The following FBN3 variants were observed in gnomAD, a reference collection of about 807,000 sequenced individuals.
FBN3 encodes fibrillin-3.
A neutral mutation model predicts 330.1 loss-of-function variants in FBN3; 234 were observed. The ratio of observed to expected loss-of-function variants is 0.71; its 90% CI spans 0.64 to 0.79. The LOEUF (loss-of-function observed/expected upper bound fraction) is 0.79. Ranked by LOEUF, FBN3 falls within the 30% of genes least tolerant of loss-of-function variation. The pLI is 0.00. For synonymous variants in FBN3, 1,458 were observed against 1,517.3 expected, an observed-to-expected ratio of 0.96 and a Z score of 0.91; for missense variants, 3,606 against 3,886.9, an observed-to-expected ratio of 0.93 and a Z score of 1.92.
Position 8,131,456 on chromosome 19 carries a change from C to T in FBN3, c.1990+98G>A, listed in dbSNP as rs1299085714. The T allele has an allele frequency of 6.7e-7, 1 of 1,502,828 alleles. No homozygotes were observed. The highest frequency in any genetic ancestry group is 1.3e-5 in the South Asian group (1 of 79,216). The allele number at this position is 1,502,828 out of a possible 1,614,324, so 93.1% of individuals were successfully genotyped here. A position where few individuals can be genotyped will look rare whatever the true frequency, so the allele number is the denominator to read the frequency against. The stretch of plus-strand genomic sequence containing the variant: ...CCTTCAGCCTCTTTTTGGGAAGAGC[C>T]CCCACTCCATGGCAGCCATGACCCC... On this transcript the variant is annotated intron_variant, in intron 15 of 63. Transcript: ENST00000600128. This position sits in a 1 kb window ranked among gnomAD's most constrained non-coding sequence, Gnocchi z 4.5.
intron 40 of FBN3, among the ~76,000 whole-genome samples, chr19:8,101,752 A>C (rs1054960052): frequency 3.4e-5 from 5 of 149,168 alleles, no homozygotes; most frequent in Non-Finnish European, 5.9e-5. Context: ...ACCCCCTCCC[A>C]CTTTATCCCA....
intron 57 of FBN3, among the ~76,000 whole-genome samples, chr19:8,082,299 CT>C (rs1464221441): frequency 1.5e-5 from 2 of 130,056 alleles, no homozygotes; most frequent in Non-Finnish European, 3.4e-5. Context: ...CTCCCTTTCT[CT>C]CTTTCTCCCT....
Position 8,086,293 on chromosome 19 carries a change from A to G in FBN3, c.6787T>C (p.Cys2263Arg). 6.2e-7 allele frequency: 1 copy of G among 1,612,072 alleles called. No individual in the cohort carries two copies. Among genetic ancestry groups the G allele is most frequent in the Non-Finnish European group, 8.5e-7 (1 of 1,178,856 alleles). The change falls in exon 55 of 64, where the codon TGT (cysteine) becomes CGT (arginine). Residue 2263 changes from cysteine to arginine, a missense_variant. Cys to Arg is a radical substitution (Grantham distance 180). Transcript: ENST00000600128. ...DNECHAQPDL[C>R]VNGRCVNTAG... ...GTGTTGACACAGCGGCCGTTGACAC[A>G]GAGGTCAGGCTGAGCGTGGCATTCA...
Position 8,138,526 on chromosome 19 carries a change from C to T in FBN3, c.904G>A (p.Gly302Ser). The T allele has an allele frequency of 6.2e-7, 1 of 1,612,344 alleles. No individual in the cohort carries two copies. Residue 302 changes from glycine (G) to serine (S), a missense_variant, in exon 9 of 64, where the codon GGC becomes AGC. Coordinates refer to ENST00000600128, the MANE Select transcript of FBN3 (RefSeq NM_032447.5). ...AGACFSVLFG[G>S]RCAGDLAGHY... ...CCGGCGAGGTCTCCAGCACAGCGGC[C>T]CCCGAAAAGCACTGAGAAGCAGGCG...
chr19:8,143,334 A>C (rs1487488059), intron 6 of FBN3, among the ~76,000 whole-genome samples: 1 of 151,958 alleles, frequency 6.6e-6, no homozygotes, highest in Non-Finnish European at 1.5e-5. Context: ...CTGAGCTCAG[A>C]GTCCTCCTCC....
At chr19:8,095,310 C>A (rs2082186049) in intron 46 of FBN3, 65 bp downstream of exon 46, 4 of 1,518,738 alleles carry the variant, frequency 2.6e-6, no homozygotes, top group African/African-American at 1.4e-5. Context: ...CCAGAAGTAC[C>A]AAACTGTGGT....
At chr19:8,075,225 G>A in intron 60 of FBN3, 35 bp from the exon 61 acceptor site, 2 of 1,576,538 alleles carry the variant, frequency 1.3e-6, no homozygotes, top group Non-Finnish European at 1.7e-6. Context: ...GGGTTTACCA[G>A]ACGGCTCTCA....
At position 8,097,121 on chromosome 19, in the gene FBN3, G is replaced by C. The variant is rs2082227698; in HGVS notation, c.5288-115C>G. The stretch of plus-strand genomic sequence containing the variant: ...GGTGGTTTCTCTGGAAGCAGCCAGA[G>C]CTGGAGTAAGGGTGGTTATATGAGA... On this transcript the variant is annotated intron_variant, in intron 42 of 63. Coordinates refer to ENST00000600128, the MANE Select transcript of FBN3 (RefSeq NM_032447.5). 2.7e-6 allele frequency: 4 copies of C among 1,500,328 alleles called. No individual in the cohort carries two copies. The Admixed American group carries it at 7.3e-5, about 27-fold the overall frequency. 92.9% of individuals were successfully genotyped at this position (1,500,328 alleles called of 1,614,324 possible). A position where few individuals can be genotyped will look rare whatever the true frequency, so the allele number is the denominator to read the frequency against.
intron 51 of FBN3, 72 bp downstream of exon 51, chr19:8,089,473 C>CCCTGCCCTGCTCTGCTCCTT (rs2082043587): frequency 1.9e-6 from 3 of 1,582,622 alleles, no homozygotes; most frequent in Non-Finnish European, 2.6e-6. Context: ...GGGGTGTCTT[C>CCCTGCCCTGCTCTGCTCCTT]CCTGCCCTGC....
At chr19:8,136,558 T>C (rs748269564) in intron 10 of FBN3, 27 bp from the exon 11 acceptor site, 1 of 1,612,210 alleles carries the variant, frequency 6.2e-7, no homozygotes, top group East Asian at 2.2e-5. Flanking sequence ...CAGAGGCATC[T>C]GAGCAGTGGC....
At chr19:8,138,771 A>T (rs1315137576) in intron 8 of FBN3, among the ~76,000 whole-genome samples, 1 of 152,186 alleles carries the variant, frequency 6.6e-6, no homozygotes, top group Non-Finnish European at 1.5e-5. Flanking sequence ...CATAGTCCAG[A>T]TGCAGTAGCT....
Position 8,111,046 on chromosome 19 carries a change from G to T in FBN3, c.4210+12C>A, listed in dbSNP as rs1187912024. Reference sequence around the variant, plus strand: ...CCCACTCTGTCCTCTGCCCTGGCGGGCCCAACCTTACCCTGGCAGGCCCGG... The same window carrying T: ...CCCACTCTGTCCTCTGCCCTGGCGGTCCCAACCTTACCCTGGCAGGCCCGG... On this transcript the variant is annotated intron_variant, in intron 33 of 63. Coordinates refer to ENST00000600128, the MANE Select transcript of FBN3 (RefSeq NM_032447.5). The T allele has an allele frequency of 6.2e-7, 1 of 1,613,036 alleles. No homozygotes were observed. The highest frequency in any genetic ancestry group is 1.1e-5 in the South Asian group (1 of 90,942).
intron 38 of FBN3, 83 bp from the exon 39 acceptor site, chr19:8,103,770 G>T (rs1379084897): frequency 1.1e-5 from 16 of 1,394,818 alleles, no homozygotes; most frequent in African/African-American, 4.3e-5. Context: ...GACCCAGCAA[G>T]GCCACTTCAC....
At chr19:8,089,289 ATG>A (rs1471454184) in intron 51 of FBN3, among the ~76,000 whole-genome samples, 2 of 152,218 alleles carry the variant, frequency 1.3e-5, no homozygotes, top group Non-Finnish European at 2.9e-5. Context: ...GAGCAAGTGA[ATG>A]AATGAGTCAG....
At chr19:8,140,126 A>G (rs1332595948) in intron 8 of FBN3, among the ~76,000 whole-genome samples, 1 of 152,228 alleles carries the variant, frequency 6.6e-6, no homozygotes, top group African/African-American at 2.4e-5. Flanking sequence ...CAGGGGACCC[A>G]ACAGGCAACA....
intron 62 of FBN3, 33 bp downstream of exon 62, chr19:8,073,030 A>C: frequency 7.5e-7 from 1 of 1,324,868 alleles, no homozygotes; most frequent in Non-Finnish European, 1.1e-6. Context: ...CTTGCGGGGC[A>C]TGGAGTCTGC....
chr19:8,135,943 C>CCCCCCCCCCCCCCCCCCCA lies in FBN3; in HGVS notation c.1591+17_1591+18insTGGGGGGGGGGGGGGGGGG. 2.1e-6 allele frequency: 1 copy of CCCCCCCCCCCCCCCCCCCA among 481,676 alleles called. No individual in the cohort carries two copies. Among genetic ancestry groups the CCCCCCCCCCCCCCCCCCCA allele is most frequent in the East Asian group, 6.5e-5 (1 of 15,308 alleles). 29.8% of individuals were successfully genotyped at this position (481,676 alleles called of 1,614,324 possible). A position where few individuals can be genotyped will look rare whatever the true frequency, so the allele number is the denominator to read the frequency against. ...TGGGGCCCGGAAGCCCCTGCCCACC[C>CCCCCCCCCCCCCCCCCCCA]GCCCACCCCCAACTCACCCACACAG... is the stretch of plus-strand genomic sequence containing the variant. On this transcript the variant is annotated intron_variant, in intron 13 of 63. Coordinates refer to ENST00000600128, the MANE Select transcript of FBN3 (RefSeq NM_032447.5).
At chr19:8,073,813 G>A (rs2145369295) in intron 61 of FBN3, among the ~76,000 whole-genome samples, 1 of 152,256 alleles carries the variant, frequency 6.6e-6, no homozygotes, top group Admixed American at 6.5e-5. Flanking sequence ...CTGAGTAGCT[G>A]GGACTACAGG....
chr19:8,085,535 C>T lies in FBN3; in HGVS notation c.6915G>A (p.Leu2305=). The T allele has an allele frequency of 1.3e-6, 2 of 1,589,020 alleles. No homozygotes were observed. The highest frequency in any genetic ancestry group is 1.7e-6 in the Non-Finnish European group (2 of 1,168,262). The change falls in exon 56 of 64, where the codon CTG becomes CTA. Residue 2305 remains leucine, a synonymous_variant. Coordinates refer to ENST00000600128, the MANE Select transcript of FBN3 (RefSeq NM_032447.5). ...IRQGPCFAEV[L]QTMCRSLSSS... is the part of the protein sequence containing the mutation. ...TGGACAGAGACCGGCACATGGTCTG[C>T]AGCACCTCGGCAAAGCAGGGCCCCT...
Sources: gnomAD v4.1 joint callset for allele counts (sites outside exome capture counted in the v4.1 genomes callset) on GRCh38, gnomAD v4.1.1 for gene constraint, Gnocchi (gnomAD v3.1) non-coding constraint, MANE v1.5 for transcripts, NCBI Gene and HGNC (gene_info 2026-07-23, HGNC 2026-07-21) for gene names.